The following MYO15A variants were observed in gnomAD, a reference collection of about 807,000 sequenced individuals.
The protein encoded by MYO15A is unconventional myosin-XV.
MYO15A carries 308 observed loss-of-function variants against 394.6 expected under a neutral mutation model. The ratio of observed to expected loss-of-function variants is 0.78; its 90% CI spans 0.71 to 0.86. The LOEUF (loss-of-function observed/expected upper bound fraction) is 0.86, where lower values mean the gene tolerates loss of function less well. Ranked by LOEUF, MYO15A falls within the 40% of genes least tolerant of loss-of-function variation. The pLI is 0.00. For synonymous variants in MYO15A, 1,957 were observed against 2,003.8 expected (o/e 0.98, Z 0.62); for missense variants, 4,606 against 4,799.1 (o/e 0.96, Z 1.19).
chr17:18,139,504 G>C, intron 18 of MYO15A, 30 bp from the exon 19 acceptor site: 1 of 1,610,180 alleles, frequency 6.2e-7, no homozygotes, highest in Non-Finnish European at 8.5e-7. Flanking sequence ...CAGAGGCCAG[G>C]ATTACCCAGG....
rs759791004 is a variant in MYO15A, at chr17:18,121,602, T to G, written c.2802T>G (p.Pro934=). 1 of 1,595,660 alleles carries G rather than the reference T, an allele frequency of 6.3e-7. No individual in the cohort carries two copies. Among genetic ancestry groups the G allele is most frequent in the South Asian group, 1.1e-5 (1 of 88,930 alleles). ...CCCCCAGCTGGGACGTGGACATGCCTCCCACCCAACGCCCACCCTCCCCCT... is the reference window on the plus strand; with the variant it reads ...CCCCCAGCTGGGACGTGGACATGCCGCCCACCCAACGCCCACCCTCCCCCT... The part of the protein sequence containing the change: ...PLAPSWDVDM[P]PTQRPPSPWP... Residue 934 remains proline (P), a synonymous_variant, in exon 2 of 66, where the codon CCT becomes CCG. Transcript: ENST00000647165. This position sits in a 1 kb window ranked among gnomAD's most constrained non-coding sequence, Gnocchi z 5.3.
At chr17:18,137,106 G>T (rs758056031) in intron 15 of MYO15A, among the ~76,000 whole-genome samples, 1 of 152,202 alleles carries the variant, frequency 6.6e-6, no homozygotes, top group Non-Finnish European at 1.5e-5. Flanking sequence ...GTGTTGGGGG[G>T]TGACTGTTTT....
chr17:18,164,180 A>G (rs967595897), intron 60 of MYO15A: 4 of 365,854 alleles, frequency 1.1e-5, no homozygotes, highest in African/African-American at 4.2e-5. Context: ...TATGGAACCT[A>G]TAGGAACCTA....
chr17:18,122,390 C>T lies in MYO15A; in HGVS notation c.3590C>T (p.Pro1197Leu), dbSNP rs368275759. ...AGGGGCTCCTGGGAGGAGGTCGGCCCGCCAAGCTGGCGGAACAAGGTATGG... is the reference window on the plus strand; with the variant it reads ...AGGGGCTCCTGGGAGGAGGTCGGCCTGCCAAGCTGGCGGAACAAGGTATGG... ...SLRGSWEEVG[P>L]PSWRNKMHSI... Residue 1197 changes from proline to leucine, a missense_variant, in exon 2 of 66, where the codon CCG becomes CTG. Pro to Leu is a moderately conservative substitution (Grantham distance 98). This residue lies in a region of MYO15A where 2,776 missense variants were observed against 3,109.3 expected (regional missense o/e 0.89). Transcript: ENST00000647165. The T allele has an allele frequency of 3.0e-5, 49 of 1,612,324 alleles. No homozygotes were observed. The highest frequency in any genetic ancestry group is 9.3e-5 in the African/African-American group (7 of 74,922).
Position 18,119,375 on chromosome 17 carries a change from G to T in MYO15A, c.575G>T (p.Arg192Leu). The change falls in exon 2 of 66, where the codon CGC becomes CTC. Residue 192 changes from arginine (R) to leucine (L), a missense_variant. Coordinates refer to ENST00000647165, the MANE Select transcript of MYO15A (RefSeq NM_016239.4). ...GGGGGCCGGCTCCGGAGGTTCCCCC[G>T]CAGCCGCAGCATCTACGCGTCAGGC... ...RPGGRLRRFP[R>L]SRSIYASGEP... 1 of 1,609,750 alleles carries T rather than the reference G, an allele frequency of 6.2e-7. No homozygotes were observed. The highest frequency in any genetic ancestry group is 8.5e-7 in the Non-Finnish European group (1 of 1,179,358).
chr17:18,158,788 C>A, intron 52 of MYO15A, 137 bp from the exon 53 acceptor site: 1 of 1,377,874 alleles, frequency 7.3e-7, no homozygotes, highest in Non-Finnish European at 1.0e-6. Flanking sequence ...CAGTGCCTGC[C>A]TCTGGGGGTC....
At chr17:18,162,798 G>A (rs1237517197) in intron 58 of MYO15A, 119 bp downstream of exon 58, 26 of 1,032,324 alleles carry the variant, frequency 2.5e-5, no homozygotes, top group Admixed American at 1.4e-4. Context: ...TCAGGAGTTC[G>A]AGACCAGCCT....
intron 12 of MYO15A, among the ~76,000 whole-genome samples, chr17:18,135,410 C>T (rs9906890): frequency 1.0e-3 from 155 of 152,064 alleles, no homozygotes; most frequent in African/African-American, 3.5e-3. Context: ...GGCACGGTTT[C>T]GGCTCGCCAC....
chr17:18,161,539 C>T (rs964209581), intron 57 of MYO15A, 92 bp downstream of exon 57: 11 of 1,555,702 alleles, frequency 7.1e-6, no homozygotes, highest in Non-Finnish European at 7.9e-6. Flanking sequence ...CAGAGGGCCT[C>T]GCTCTTCACA....
Position 18,148,702 on chromosome 17 carries a change from C to A in MYO15A, c.6765-59C>A, listed in dbSNP as rs2046525370. The A allele has an allele frequency of 1.9e-6, 3 of 1,553,922 alleles. No individual in the cohort carries two copies. The highest frequency in any genetic ancestry group is 2.6e-6 in the Non-Finnish European group (3 of 1,148,628). ...GGTCTGGCTTATAACCCAGGATCTC[C>A]CCAGGTAGTGCCTGATGACTCTGTC... On this transcript the variant is annotated intron_variant, in intron 32 of 65. Transcript: ENST00000647165. The surrounding 1 kb of genome is among the most constrained non-coding windows in gnomAD (Gnocchi z 4.8).
Position 18,143,602 on chromosome 17 carries a change from C to T in MYO15A, c.5947C>T (p.Leu1983=), listed in dbSNP as rs756119547. ...AEWRCQVEGA[L]LWEQEELSKR... is the part of the protein sequence containing the mutation. ...GTGGAGGTGCCAGGTGGAGGGGGCG[C>T]TGCTGTGGGAGCAGGAGGTGGGTGT... Residue 1983 remains leucine, a synonymous_variant, in exon 26 of 66, where the codon CTG becomes TTG. Transcript: ENST00000647165. 2.6e-6 allele frequency: 4 copies of T among 1,566,236 alleles called. No homozygotes were observed. In the African/African-American group the frequency reaches 4.1e-5, roughly 16 times the overall value.
At chr17:18,158,853 C>G in intron 52 of MYO15A, 72 bp from the exon 53 acceptor site, 1 of 1,580,320 alleles carries the variant, frequency 6.3e-7, no homozygotes, top group South Asian at 1.1e-5. Context: ...CCTGGGGGTT[C>G]TTTCCCATGT....
At position 18,148,457 on chromosome 17, in the gene MYO15A, A is replaced by T. The variant is rs1045479525; in HGVS notation, c.6692-39A>T. 1 of 1,550,684 alleles carries T rather than the reference A, an allele frequency of 6.4e-7. No individual in the cohort carries two copies. The highest frequency in any genetic ancestry group is 1.4e-5 in the African/African-American group (1 of 73,136). ...AGGGAGGCACAGCCAAACTGGACTC[A>T]GATGCTCCAACCTGAGCCCGGCACC... On this transcript the variant is annotated intron_variant, in intron 31 of 65. Coordinates refer to ENST00000647165, the MANE Select transcript of MYO15A (RefSeq NM_016239.4). The surrounding 1 kb of genome is among the most constrained non-coding windows in gnomAD (Gnocchi z 4.8).
intron 7 of MYO15A, among the ~76,000 whole-genome samples, chr17:18,129,208 C>T (rs1015992249): frequency 2.6e-5 from 4 of 152,222 alleles, no homozygotes; most frequent in African/African-American, 7.2e-5. Flanking sequence ...TGGAGCCAAC[C>T]ACGTAGCACA....
chr17:18,131,610 T>C, intron 10 of MYO15A, 79 bp downstream of exon 10: 2 of 1,509,524 alleles, frequency 1.3e-6, no homozygotes, highest in Non-Finnish European at 1.8e-6. Flanking sequence ...TGGCCCCTGG[T>C]AGGGCTAGGT....
chr17:18,174,098 A>G (rs1285907377), intron 65 of MYO15A, among the ~76,000 whole-genome samples, 177 bp downstream of exon 65: 1 of 152,202 alleles, frequency 6.6e-6, no homozygotes, highest in Admixed American at 6.5e-5. Flanking sequence ...CAGGGAAGCA[A>G]CTTGGCAGTG....
At chr17:18,142,703 C>T in intron 24 of MYO15A, 53 bp from the exon 25 acceptor site, 2 of 1,517,882 alleles carry the variant, frequency 1.3e-6, no homozygotes, top group Non-Finnish European at 1.8e-6. Flanking sequence ...ACCTTTTGGT[C>T]ACCCTGTCAC....
At chr17:18,109,795 C>T (rs978150441) in intron 1 of MYO15A, 12 of 152,218 alleles carry the variant, frequency 7.9e-5, no homozygotes, top group African/African-American at 2.9e-4. Flanking sequence ...CTTTAGAAGA[C>T]TCAGGTACAT....
chr17:18,142,746 C>A lies in MYO15A; in HGVS notation c.5826-10C>A. ...CCCCAATCCCTGACCTCCCCACTAC[C>A]CCAACCCAGGCAACGCTATCAGCAG... On this transcript the variant is annotated splice_polypyrimidine_tract_variant and intron_variant, in intron 24 of 65. Coordinates refer to ENST00000647165, the MANE Select transcript of MYO15A (RefSeq NM_016239.4). 6.2e-7 allele frequency: 1 copy of A among 1,613,220 alleles called. No homozygotes were observed. The highest frequency in any genetic ancestry group is 8.5e-7 in the Non-Finnish European group (1 of 1,179,666).
Sources: allele counts gnomAD v4.1 joint callset (sites outside exome capture counted in the v4.1 genomes callset), GRCh38; gene constraint gnomAD v4.1.1; regional missense constraint gnomAD v4.1.1; non-coding constraint Gnocchi (gnomAD v3.1); transcripts MANE v1.5; gene names NCBI Gene and HGNC (gene_info 2026-07-23, HGNC 2026-07-21).